Variants in TMEM82 observed in about 807,000 individuals in gnomAD.
TMEM82 encodes transmembrane protein 82.
Under a neutral mutation model 29.2 loss-of-function variants are expected in TMEM82, and 30 were observed. The ratio of observed to expected loss-of-function variants is 1.03; its 90% confidence interval spans 0.77 to 1.39. TMEM82 has a LOEUF of 1.39. Among genes scored for constraint, TMEM82 ranks in the 40% most tolerant of loss-of-function variants. The pLI is 0.00. For missense variants in TMEM82, 442 were observed against 447.7 expected (o/e 0.99, Z 0.12); for synonymous variants, 221 against 225.4 (o/e 0.98, Z 0.18).
Position 15,744,114 on chromosome 1 carries a change from G to C in TMEM82, c.337-46G>C. The C allele has an allele frequency of 6.9e-7, 1 of 1,452,628 alleles. No homozygotes were observed. Among genetic ancestry groups the C allele is most frequent in the Non-Finnish European group, 9.1e-7 (1 of 1,103,458 alleles). 90.0% of individuals were successfully genotyped at this position (1,452,628 alleles called of 1,614,324 possible). ...CTTCCTGTGGTGGGCAGCACCTGTGGTGAGGCAGCCCCCACATCTCGGCCC... is the reference window on the plus strand; with the variant it reads ...CTTCCTGTGGTGGGCAGCACCTGTGCTGAGGCAGCCCCCACATCTCGGCCC... On this transcript the variant is annotated intron_variant, in intron 3 of 5. Coordinates refer to ENST00000375782, the MANE Select transcript of TMEM82 (RefSeq NM_001013641.3). The surrounding 1 kb of genome is among the most constrained non-coding windows in gnomAD (Gnocchi z 5.2).
At position 15,744,350 on chromosome 1, in the gene TMEM82, G is replaced by C. The variant is rs375870524; in HGVS notation, c.527G>C (p.Arg176Pro). The part of the protein sequence containing the change: ...GARRLHRHVC[R>P]LYELHSSQRY... ...CGGCGCCTCCACCGCCACGTCTGCCGCCTCTACGAGCTGCACAGCAGCCAG... is the reference window on the plus strand; with the variant it reads ...CGGCGCCTCCACCGCCACGTCTGCCCCCTCTACGAGCTGCACAGCAGCCAG... The change falls in exon 4 of 6, where the codon CGC (arginine) becomes CCC (proline). Residue 176 changes from arginine (R) to proline (P), a missense_variant. Arg to Pro is a moderately radical substitution (Grantham distance 103). Coordinates refer to ENST00000375782, the MANE Select transcript of TMEM82 (RefSeq NM_001013641.3). This position sits in a 1 kb window ranked among gnomAD's most constrained non-coding sequence, Gnocchi z 5.2. 1.1e-5 allele frequency: 17 copies of C among 1,547,050 alleles called. No homozygotes were observed. The highest frequency in any genetic ancestry group is 1.5e-5 in the Non-Finnish European group (17 of 1,149,406).
In TMEM82 at chr1:15,746,951, CTG is replaced by C; in HGVS notation, c.845_846del (p.Val282GlyfsTer28). ...GGCGGCCTCTTCGTGCTGCTGCTGA[CTG>C]TGGGTCGCTGGCTGGACCTGCTGGG... On this transcript the variant is annotated frameshift_variant, in exon 5 of 6. Transcript: ENST00000375782. LOFTEE classifies it high-confidence loss of function. The C allele has an allele frequency of 2.5e-6, 4 of 1,611,206 alleles. No homozygotes were observed. Among genetic ancestry groups the C allele is most frequent in the South Asian group, 1.1e-5 (1 of 91,072 alleles).
chr1:15,745,569 G>A (rs574873628), intron 4 of TMEM82, among the ~76,000 whole-genome samples: 3 of 149,854 alleles, frequency 2.0e-5, no homozygotes, highest in African/African-American at 4.9e-5. Flanking sequence ...GAAAGAGAGA[G>A]AGAGAGAAAG....
rs1458130257 is a variant in TMEM82 at position 15,743,046 on chromosome 1, A to T, written c.188A>T (p.Glu63Val). 1 of 1,602,798 alleles carries T rather than the reference A, an allele frequency of 6.2e-7. No homozygotes were observed. Among genetic ancestry groups the T allele is most frequent in the South Asian group, 1.1e-5 (1 of 89,656 alleles). Residue 63 changes from glutamate to valine, a missense_variant, in exon 3 of 6, where the codon GAG becomes GTG. Coordinates refer to ENST00000375782, the MANE Select transcript of TMEM82 (RefSeq NM_001013641.3). ...GACCCGCAGCGGCGACCCGAAAAGG[A>T]GCGGCTTCGGGCCCAGTGGGCCTCC... ...ANDPQRRPEKERLRAQWASLE... is the reference protein window; with the variant it reads ...ANDPQRRPEKVRLRAQWASLE...
chr1:15,747,415 C>A (rs566916616), intron 5 of TMEM82, 131 bp from the exon 6 acceptor site: 1 of 771,806 alleles, frequency 1.3e-6, no homozygotes, highest in Non-Finnish European at 2.2e-6. Context: ...TAGCACCCCC[C>A]ACCCTGTCCA....
chr1:15,743,119 G>A lies in TMEM82; in HGVS notation c.261G>A (p.Val87=), dbSNP rs2068304694. ...LAGLALFLTV[V]GSRVAALVVL... ...GGCTGGCCCTGTTTCTGACGGTCGT[G>A]GGGTCCCGGGTGGCTGCCCTCGTGG... Residue 87 remains valine, a synonymous_variant, in exon 3 of 6, where the codon GTG becomes GTA. Coordinates refer to ENST00000375782, the MANE Select transcript of TMEM82 (RefSeq NM_001013641.3). 1 of 1,612,062 alleles carries A rather than the reference G, an allele frequency of 6.2e-7. No individual in the cohort carries two copies. Among genetic ancestry groups the A allele is most frequent in the Admixed American group, 1.7e-5 (1 of 59,968 alleles).
intron 4 of TMEM82, 55 bp from the exon 5 acceptor site, chr1:15,746,812 G>A (rs1387286559): frequency 4.7e-6 from 7 of 1,473,954 alleles, no homozygotes; most frequent in Non-Finnish European, 9.1e-7. Context: ...CAGGGAGCAG[G>A]GAGGTCCAGT....
In TMEM82 at chr1:15,742,578, C is replaced by A; in HGVS notation, c.19C>A (p.Leu7Ile). 6.3e-7 allele frequency: 1 copy of A among 1,594,520 alleles called. No homozygotes were observed. MFSLPSLPSWLPGLPSL... is the reference protein window; with the variant it reads MFSLPSIPSWLPGLPSL... ...GGCTGCCATGTTCTCTCTTCCATCC[C>A]TCCCCTCCTGGCTCCCCGGCCTCCC... Residue 7 changes from leucine (L) to isoleucine (I), a missense_variant, in exon 1 of 6, where the codon CTC (leucine) becomes ATC (isoleucine). Leu to Ile is a conservative substitution (Grantham distance 5). Transcript: ENST00000375782.
Position 15,744,553 on chromosome 1 carries a change from T to A in TMEM82, c.730T>A (p.Tyr244Asn), listed in dbSNP as rs780528767. 2 of 1,611,120 alleles carry A rather than the reference T, an allele frequency of 1.2e-6. No individual in the cohort carries two copies. Reference protein sequence around the residue: ...MRFWTPLTICYTLLVIYMQEE... With the variant: ...MRFWTPLTICNTLLVIYMQEE... ...GTTCTGGACACCGCTCACCATCTGC[T>A]ACACGCTGCTGGTCATCTACATGCA... Residue 244 changes from tyrosine (Y) to asparagine (N), a missense_variant, in exon 4 of 6, where the codon TAC becomes AAC. Tyr to Asn is a moderately radical substitution (Grantham distance 143). Coordinates refer to ENST00000375782, the MANE Select transcript of TMEM82 (RefSeq NM_001013641.3). This position sits in a 1 kb window ranked among gnomAD's most constrained non-coding sequence, Gnocchi z 5.2.
chr1:15,744,599 G>C lies in TMEM82; in HGVS notation c.757+19G>C. 6.3e-7 allele frequency: 1 copy of C among 1,582,828 alleles called. No homozygotes were observed. The highest frequency in any genetic ancestry group is 8.6e-7 in the Non-Finnish European group (1 of 1,162,562). On this transcript the variant is annotated intron_variant, in intron 4 of 5. Coordinates refer to ENST00000375782, the MANE Select transcript of TMEM82 (RefSeq NM_001013641.3). This position sits in a 1 kb window ranked among gnomAD's most constrained non-coding sequence, Gnocchi z 5.2. ...ATGCAGGGTGAGCGCTGCGGGGCCT[G>C]CTCCATTCAATCCACGCACATCCCT...
chr1:15,743,967 A>G (rs1235530437), intron 3 of TMEM82, among the ~76,000 whole-genome samples, 193 bp from the exon 4 acceptor site: 1 of 151,968 alleles, frequency 6.6e-6, no homozygotes, highest in Non-Finnish European at 1.5e-5. Context: ...TCTGTCTAAA[A>G]AAAAAAACAA....
In TMEM82 at chr1:15,747,891, G is replaced by T; in HGVS notation, c.*259G>T. The T allele has an allele frequency of 2.4e-6, 1 of 412,318 alleles. No homozygotes were observed. 25.5% of individuals were successfully genotyped at this position (412,318 alleles called of 1,614,324 possible). ...TGCAGCCTCTCAGACCTGCCTTCCTGGGCAGGGGTGGGGGTGCATCCTCAG... is the reference window on the plus strand; with the variant it reads ...TGCAGCCTCTCAGACCTGCCTTCCTTGGCAGGGGTGGGGGTGCATCCTCAG... On this transcript the variant is annotated 3_prime_UTR_variant, in exon 6 of 6. Coordinates refer to ENST00000375782, the MANE Select transcript of TMEM82 (RefSeq NM_001013641.3).
At chr1:15,742,693 C>T (rs1171395926) in intron 1 of TMEM82, 46 bp downstream of exon 1, 9 of 1,572,988 alleles carry the variant, frequency 5.7e-6, no homozygotes, top group Non-Finnish European at 7.8e-6. Context: ...CCCCTTCCAG[C>T]TCTTTGCAGT....
Position 15,742,534 on chromosome 1 carries a change from A to AGGCT in TMEM82, c.-23_-20dup, listed in dbSNP as rs1490119826. On this transcript the variant is annotated 5_prime_UTR_variant, in exon 1 of 6. Coordinates refer to ENST00000375782, the MANE Select transcript of TMEM82 (RefSeq NM_001013641.3). The stretch of plus-strand genomic sequence containing the variant: ...TCTGTCCTTACGCAGACCTGGCCGG[A>AGGCT]GGCTGGGGCTCCTTCCGGGGCTGCC... The AGGCT allele has an allele frequency of 6.5e-7, 1 of 1,550,054 alleles. No individual in the cohort carries two copies. The highest frequency in any genetic ancestry group is 1.9e-5 in the Admixed American group (1 of 52,694).
In TMEM82 at chr1:15,744,370, A is replaced by C; in HGVS notation, c.547A>C (p.Ser183Arg). The part of the protein sequence containing the change: ...HVCRLYELHS[S>R]QRYCGVCLGL... ...CTGCCGCCTCTACGAGCTGCACAGC[A>C]GCCAGCGCTACTGTGGGGTGTGCCT... Residue 183 changes from serine to arginine, a missense_variant, in exon 4 of 6, where the codon AGC becomes CGC. Physicochemically the swap from Ser to Arg is moderately radical, Grantham distance 110. Transcript: ENST00000375782. This position sits in a 1 kb window ranked among gnomAD's most constrained non-coding sequence, Gnocchi z 5.2. The C allele has an allele frequency of 1.3e-6, 2 of 1,557,950 alleles. No individual in the cohort carries two copies. The highest frequency in any genetic ancestry group is 1.7e-6 in the Non-Finnish European group (2 of 1,154,014).
chr1:15,744,239 T>G lies in TMEM82; in HGVS notation c.416T>G (p.Leu139Arg). The G allele has an allele frequency of 6.3e-7, 1 of 1,586,102 alleles. No homozygotes were observed. The highest frequency in any genetic ancestry group is 8.5e-7 in the Non-Finnish European group (1 of 1,171,206). ...CTGGGCTGCGGGCTGACCTGTGGCC[T>G]GAGCTTCCTGCAGGAGGGCGCCCCT... is the stretch of plus-strand genomic sequence containing the variant. ...YSLGCGLTCG[L>R]SFLQEGAPHR... Residue 139 changes from leucine (L) to arginine (R), a missense_variant, in exon 4 of 6, where the codon CTG (leucine) becomes CGG (arginine). Transcript: ENST00000375782. The surrounding 1 kb of genome is among the most constrained non-coding windows in gnomAD (Gnocchi z 5.2).
At position 15,744,651 on chromosome 1, in the gene TMEM82, C is replaced by T. The variant is rs1211746953; in HGVS notation, c.757+71C>T. On this transcript the variant is annotated intron_variant, in intron 4 of 5. Coordinates refer to ENST00000375782, the MANE Select transcript of TMEM82 (RefSeq NM_001013641.3). This position sits in a 1 kb window ranked among gnomAD's most constrained non-coding sequence, Gnocchi z 5.2. ...TGTCTGGGTCAGGCTCCGGGGAGGC[C>T]GAGAGCCATCAGCCCTCACTCTTGC... The T allele has an allele frequency of 1.1e-5, 16 of 1,474,198 alleles. No individual in the cohort carries two copies. Among genetic ancestry groups the T allele is most frequent in the Middle Eastern group, 2.0e-4 (1 of 4,954 alleles). 91.3% of individuals were successfully genotyped at this position (1,474,198 alleles called of 1,614,324 possible). A position where few individuals can be genotyped will look rare whatever the true frequency, so the allele number is the denominator to read the frequency against.
chr1:15,742,783 C>G (rs1417121639), intron 1 of TMEM82, 52 bp from the exon 2 acceptor site: 42 of 1,575,668 alleles, frequency 2.7e-5, no homozygotes, highest in Non-Finnish European at 3.6e-5. Context: ...ATGAAGCCTG[C>G]CCTCCTAACA....
intron 3 of TMEM82, 69 bp downstream of exon 3, chr1:15,743,263 T>C: frequency 6.7e-7 from 1 of 1,493,968 alleles, no homozygotes; most frequent in Non-Finnish European, 8.9e-7. Flanking sequence ...CCCCGGAATG[T>C]GGGCAGCAGG....
Sources: allele counts gnomAD v4.1 joint callset (sites outside exome capture counted in the v4.1 genomes callset), GRCh38; gene constraint gnomAD v4.1.1; non-coding constraint Gnocchi (gnomAD v3.1); transcripts MANE v1.5; gene names NCBI Gene and HGNC (gene_info 2026-07-23, HGNC 2026-07-21).